The following RASGRP3 variants were observed in gnomAD, a reference collection of about 807,000 sequenced individuals.
RASGRP3 encodes the protein RAS guanyl releasing protein 3, also known as ras guanyl-releasing protein 3.
RASGRP3 carries 54 observed loss-of-function variants against 82.7 expected under a neutral mutation model. The ratio of observed to expected loss-of-function variants is 0.65; its 90% CI spans 0.52 to 0.82. The LOEUF (loss-of-function observed/expected upper bound fraction) is 0.82, where lower values mean the gene tolerates loss of function less well. Among genes scored for constraint, RASGRP3 ranks in the 40% least tolerant of loss-of-function variants. The probability of loss-of-function intolerance (pLI) is 0.00; values close to 1 mark genes in which losing one functional copy is unlikely to be tolerated. For synonymous variants in RASGRP3, 309 were observed against 300.5 expected (o/e 1.03, Z -0.29); for missense variants, 861 against 828.9 (o/e 1.04, Z -0.48).
At chr2:33,440,795 T>G (rs576410561) in intron 1 of RASGRP3, among the ~76,000 whole-genome samples, 1 of 148,666 alleles carries the variant, frequency 6.7e-6, no homozygotes, top group Non-Finnish European at 1.5e-5. Flanking sequence ...TTGTATGACA[T>G]GTGTGGCTAA....
At chr2:33,550,140 C>T (rs773223631) in intron 14 of RASGRP3, among the ~76,000 whole-genome samples, 2 of 152,032 alleles carry the variant, frequency 1.3e-5, no homozygotes, top group Non-Finnish European at 1.5e-5. Context: ...ACCAGAAATC[C>T]GTCATGGCAT....
At chr2:33,556,553 A>C (rs1251345391) in intron 15 of RASGRP3, among the ~76,000 whole-genome samples, 2 of 152,070 alleles carry the variant, frequency 1.3e-5, no homozygotes, top group Non-Finnish European at 2.9e-5. Context: ...GGCCTCTTCT[A>C]ATAATCTTAT....
At chr2:33,486,916 G>A (rs1668446115) in intron 1 of RASGRP3, among the ~76,000 whole-genome samples, 1 of 152,106 alleles carries the variant, frequency 6.6e-6, no homozygotes, top group Non-Finnish European at 1.5e-5. Context: ...CCCTTCTGAA[G>A]CATGTCGGTA....
At chr2:33,439,687 CT>C (rs1665116352) in intron 1 of RASGRP3, among the ~76,000 whole-genome samples, 1 of 152,180 alleles carries the variant, frequency 6.6e-6, no homozygotes, top group Admixed American at 6.5e-5. Flanking sequence ...TTCAAGGGAA[CT>C]GAGAGTCAGC....
intron 2 of RASGRP3, among the ~76,000 whole-genome samples, chr2:33,468,040 CTT>C: frequency 2.0e-5 from 2 of 100,528 alleles, no homozygotes; most frequent in Non-Finnish European, 3.9e-5. Flanking sequence ...TTCTTTCTTT[CTT>C]TCTCTCTTAG....
At position 33,539,084 on chromosome 2, in the gene RASGRP3, TG is replaced by T; in HGVS notation, c.1162-9del. On this transcript the variant is annotated splice_polypyrimidine_tract_variant and intron_variant, in intron 11 of 17. Transcript: ENST00000403687. ...GTTGAAAAATATGTGGTTTTTTTTT[TG>T]TTTATCAGCAGCCTACCTCCCCTAC... 1 of 1,541,966 alleles carries T rather than the reference TG, an allele frequency of 6.5e-7. No individual in the cohort carries two copies. Among genetic ancestry groups the T allele is most frequent in the Non-Finnish European group, 8.8e-7 (1 of 1,138,708 alleles).
At chr2:33,483,689 A>G (rs369848684) in intron 1 of RASGRP3, among the ~76,000 whole-genome samples, 2 of 152,036 alleles carry the variant, frequency 1.3e-5, no homozygotes, top group African/African-American at 4.8e-5. Context: ...GGGTTTTGCC[A>G]TGTTGATCAG....
In RASGRP3 at chr2:33,520,665, C is replaced by G; in HGVS notation, c.349C>G (p.Leu117Val). 1 of 1,613,944 alleles carries G rather than the reference C, an allele frequency of 6.2e-7. No homozygotes were observed. The highest frequency in any genetic ancestry group is 8.5e-7 in the Non-Finnish European group (1 of 1,179,870). Residue 117 changes from leucine (L) to valine (V), a missense_variant, in exon 6 of 18, where the codon CTC becomes GTC. By Grantham distance (32) the Leu-to-Val change is conservative. Transcript: ENST00000403687. Reference sequence around the variant, plus strand: ...ACTAGGATATGAAAAACACGTCAGCCTCATCGACATATCCAGCATGTAAGA... The same window carrying G: ...ACTAGGATATGAAAAACACGTCAGCGTCATCGACATATCCAGCATGTAAGA... Reference protein sequence around the residue: ...SQLGYEKHVSLIDISSIPSYD... With the variant: ...SQLGYEKHVSVIDISSIPSYD...
chr2:33,551,058 A>G (rs1675310798), intron 14 of RASGRP3, among the ~76,000 whole-genome samples: 1 of 152,174 alleles, frequency 6.6e-6, no homozygotes, highest in South Asian at 2.1e-4. Flanking sequence ...CATGTGTGTA[A>G]TCCCAGAAAT....
chr2:33,520,409 G>T, intron 5 of RASGRP3, 144 bp from the exon 6 acceptor site: 1 of 1,087,668 alleles, frequency 9.2e-7, no homozygotes, highest in Non-Finnish European at 1.3e-6. Context: ...ATGGGGTTTT[G>T]GAGACAGGAG....
chr2:33,521,921 C>CA, intron 6 of RASGRP3, 34 bp from the exon 7 acceptor site: 1 of 1,584,398 alleles, frequency 6.3e-7, no homozygotes, highest in Non-Finnish European at 8.6e-7. Context: ...AATGGGCTTT[C>CA]AACACATTGA....
chr2:33,480,856 T>C (rs1667829156), intron 1 of RASGRP3, among the ~76,000 whole-genome samples: 1 of 152,212 alleles, frequency 6.6e-6, no homozygotes, highest in East Asian at 1.9e-4. Context: ...CAAGTGATTA[T>C]TATAGCTTCA....
chr2:33,441,957 CATTAA>C (rs1180391398), intron 1 of RASGRP3, among the ~76,000 whole-genome samples: 1 of 152,038 alleles, frequency 6.6e-6, no homozygotes, highest in Non-Finnish European at 1.5e-5. Flanking sequence ...TTTATACAGA[CATTAA>C]ATTACATTAT....
chr2:33,500,019 A>G (rs1440002069), intron 1 of RASGRP3, among the ~76,000 whole-genome samples: 1 of 152,180 alleles, frequency 6.6e-6, no homozygotes, highest in African/African-American at 2.4e-5. Context: ...ATCCACCTGG[A>G]AGGGTGAGGA....
chr2:33,480,105 A>C (rs192534473), intron 1 of RASGRP3, among the ~76,000 whole-genome samples: 1,441 of 131,578 alleles, frequency 0.011, 27 homozygotes, highest in African/African-American at 0.04. Context: ...TGCAGTGGTG[A>C]GATCTCGGCT....
intron 10 of RASGRP3, among the ~76,000 whole-genome samples, chr2:33,528,113 A>G (rs552595064): frequency 6.6e-6 from 1 of 152,292 alleles, no homozygotes; most frequent in South Asian, 2.1e-4. Flanking sequence ...CCCCCTCCAT[A>G]GCAGTCATGC....
At chr2:33,523,127 A>G (rs1435409969) in intron 7 of RASGRP3, among the ~76,000 whole-genome samples, 2 of 152,080 alleles carry the variant, frequency 1.3e-5, no homozygotes, top group Non-Finnish European at 2.9e-5. Context: ...TCTTTATTGT[A>G]TACCGTTATA....
At chr2:33,451,761 T>A (rs2150885804) in intron 2 of RASGRP3, among the ~76,000 whole-genome samples, 1 of 152,274 alleles carries the variant, frequency 6.6e-6, no homozygotes, top group East Asian at 1.9e-4. Flanking sequence ...CTCATTTGCC[T>A]CTCCAGATTT....
At chr2:33,539,068 T>C (rs1192292387) in intron 11 of RASGRP3, 26 bp from the exon 12 acceptor site, 8 of 1,444,796 alleles carry the variant, frequency 5.5e-6, no homozygotes, top group Non-Finnish European at 6.6e-6. Context: ...AGTTGAAAAA[T>C]ATGTGGTTTT....
Sources: gnomAD v4.1 joint callset for allele counts (sites outside exome capture counted in the v4.1 genomes callset) on GRCh38, gnomAD v4.1.1 for gene constraint, MANE v1.5 for transcripts, NCBI Gene and HGNC (gene_info 2026-07-23, HGNC 2026-07-21) for gene names.